The following SPIRE2 variants were observed in gnomAD, a reference collection of about 807,000 sequenced individuals.
SPIRE2 encodes the protein spire type actin nucleation factor 2.
In SPIRE2, 76 loss-of-function variants were observed where a neutral mutation model predicts 80.7. The ratio of observed to expected loss-of-function variants is 0.94; its 90% CI spans 0.78 to 1.14. SPIRE2 has a LOEUF of 1.14. Among genes scored for constraint, SPIRE2 ranks in the 50% most tolerant of loss-of-function variants. The pLI is 0.00. For synonymous variants in SPIRE2, 535 were observed against 432.6 expected (o/e 1.24, Z -2.94); for missense variants, 1,196 against 1,015.3 (o/e 1.18, Z -2.42).
rs2041547583 is a variant in SPIRE2 at position 89,845,305 on chromosome 16, T to C, written c.245-17T>C. On this transcript the variant is annotated splice_polypyrimidine_tract_variant and intron_variant, in intron 1 of 14. Transcript: ENST00000378247. ...CGGGGATGCTGACAAATAACTTAAC[T>C]CCCTCTTCTCTTACAGAACCTGCAA... 1 of 1,613,556 alleles carries C rather than the reference T, an allele frequency of 6.2e-7. No homozygotes were observed. The highest frequency in any genetic ancestry group is 1.3e-5 in the African/African-American group (1 of 74,860).
At chr16:89,859,050 GC>G in intron 8 of SPIRE2, 114 bp from the exon 9 acceptor site, 1 of 953,008 alleles carries the variant, frequency 1.0e-6, no homozygotes, top group Non-Finnish European at 1.5e-6. Flanking sequence ...GGTGGAGGCT[GC>G]CCCACATCGC....
rs1209502461 is a variant in SPIRE2, at chr16:89,863,169, T to C, written c.1576-307T>C. 9.4e-6 allele frequency: 4 copies of C among 423,288 alleles called. No homozygotes were observed. Among genetic ancestry groups the C allele is most frequent in the South Asian group, 7.3e-5 (3 of 41,000 alleles). The allele number at this position is 423,288 out of a possible 1,614,324, so 26.2% of individuals were successfully genotyped here. A position where few individuals can be genotyped will look rare whatever the true frequency, so the allele number is the denominator to read the frequency against. On this transcript the variant is annotated intron_variant, in intron 10 of 14. Transcript: ENST00000378247. This position sits in a 1 kb window ranked among gnomAD's most constrained non-coding sequence, Gnocchi z 4.3. ...ATTCTGGCTGGTGTGGATCAGCCCA[T>C]GGTGTGTTTGCAGGCAGGGACACCT... is the stretch of plus-strand genomic sequence containing the variant.
At chr16:89,853,588 C>T (rs887830117) in intron 3 of SPIRE2, among the ~76,000 whole-genome samples, 9 of 152,090 alleles carry the variant, frequency 5.9e-5, no homozygotes, top group Admixed American at 2.0e-4. Flanking sequence ...AGCAGTGTGG[C>T]GGGTACCTGG....
intron 12 of SPIRE2, among the ~76,000 whole-genome samples, chr16:89,866,056 G>C (rs1479163913): frequency 1.3e-5 from 2 of 151,936 alleles, no homozygotes; most frequent in African/African-American, 2.4e-5. Flanking sequence ...GGCTGAGGTG[G>C]GAGGATCACT....
chr16:89,829,970 G>C (rs1242680704), intron 1 of SPIRE2, among the ~76,000 whole-genome samples: 1 of 151,314 alleles, frequency 6.6e-6, no homozygotes, highest in South Asian at 2.1e-4. Context: ...GTGAAAGGGT[G>C]CCTGGACTTC....
intron 6 of SPIRE2, 25 bp from the exon 7 acceptor site, chr16:89,856,088 C>G (rs760052979): frequency 6.2e-7 from 1 of 1,601,352 alleles, no homozygotes. Flanking sequence ...GCTTCCCCAC[C>G]GCAGGTCTCG....
intron 1 of SPIRE2, among the ~76,000 whole-genome samples, chr16:89,843,720 G>T: frequency 2.5e-5 from 1 of 40,692 alleles, no homozygotes; most frequent in Non-Finnish European, 4.3e-5. Flanking sequence ...TTTTTTTTGA[G>T]ACAGAGTCTC....
chr16:89,831,070 C>T lies in SPIRE2; in HGVS notation c.244+2276C>T, dbSNP rs964682972. 3.6e-4 allele frequency among the ~76,000 whole-genome samples: 54 copies of T among 150,438 alleles called. 2 individuals carry two copies. The highest frequency in any genetic ancestry group is 3.4e-4 in the Non-Finnish European group (23 of 67,042). On this transcript the variant is annotated intron_variant, in intron 1 of 14. Coordinates refer to ENST00000378247, the MANE Select transcript of SPIRE2 (RefSeq NM_032451.2). Reference sequence around the variant, plus strand: ...GACTACAGGCGCCCGCCACCACGCCCGGCTAATTTTTTGTATTTTTAGTAG... The same window carrying T: ...GACTACAGGCGCCCGCCACCACGCCTGGCTAATTTTTTGTATTTTTAGTAG...
At chr16:89,868,009 A>G (rs1371861332) in intron 12 of SPIRE2, among the ~76,000 whole-genome samples, 180 bp from the exon 13 acceptor site, 2 of 152,250 alleles carry the variant, frequency 1.3e-5, no homozygotes, top group Non-Finnish European at 2.9e-5. Flanking sequence ...TTTTGGGTGG[A>G]TACCTAAGTA....
intron 1 of SPIRE2, among the ~76,000 whole-genome samples, chr16:89,842,208 A>ATTTTTTTTTTTTTTTTTTTTTTTTTTT (rs71137682): frequency 1.2e-5 from 1 of 81,306 alleles, no homozygotes; most frequent in Non-Finnish European, 2.1e-5. Context: ...TGAACACGTA[A>ATTTTTTTTTTTTTTTTTTTTTTTTTTT]TTTTTTTTTT....
At position 89,868,410 on chromosome 16, in the gene SPIRE2, G is replaced by A. The variant is rs537053007; in HGVS notation, c.1806+194G>A. On this transcript the variant is annotated intron_variant, in intron 13 of 14. Coordinates refer to ENST00000378247, the MANE Select transcript of SPIRE2 (RefSeq NM_032451.2). ...TTACAGGTTTTTGTTTTTAAACATT[G>A]CACGTTAGTAGCCTCGTGCCAAAAA... Among the ~76,000 whole-genome samples the A allele has an allele frequency of 3.3e-5, 5 of 152,282 alleles. No individual in the cohort carries two copies. In the East Asian group the frequency reaches 5.8e-4, roughly 18 times the overall value.
chr16:89,828,930 G>GCTCC lies in SPIRE2; in HGVS notation c.244+146_244+149dup. ...GATCCCCTTCTCTGCGGGACCCGGA[G>GCTCC]CTCCCTCCCTCCCACTCTCCGTCCC... On this transcript the variant is annotated intron_variant, in intron 1 of 14. Coordinates refer to ENST00000378247, the MANE Select transcript of SPIRE2 (RefSeq NM_032451.2). The surrounding 1 kb of genome is among the most constrained non-coding windows in gnomAD (Gnocchi z 5.9). 1.6e-6 allele frequency: 1 copy of GCTCC among 610,410 alleles called. No individual in the cohort carries two copies. The highest frequency in any genetic ancestry group is 2.2e-6 in the Non-Finnish European group (1 of 445,840). 37.8% of individuals were successfully genotyped at this position (610,410 alleles called of 1,614,324 possible).
At chr16:89,845,000 G>A (rs994899211) in intron 1 of SPIRE2, among the ~76,000 whole-genome samples, 20 of 152,304 alleles carry the variant, frequency 1.3e-4, no homozygotes, top group African/African-American at 3.1e-4. Context: ...GCCCTGACTC[G>A]CCTTTGAGTG....
chr16:89,869,301 C>T (rs530951641), intron 13 of SPIRE2, among the ~76,000 whole-genome samples: 4 of 151,674 alleles, frequency 2.6e-5, no homozygotes, highest in East Asian at 1.9e-4. Context: ...GAGCAGGAAA[C>T]GTGGCAGGTC....
rs770114745 is a variant in SPIRE2 at position 89,859,261 on chromosome 16, C to G, written c.1369C>G (p.Leu457Val). 1.4e-5 allele frequency: 22 copies of G among 1,607,764 alleles called. No homozygotes were observed. The highest frequency in any genetic ancestry group is 1.9e-5 in the Non-Finnish European group (22 of 1,178,664). Residue 457 changes from leucine (L) to valine (V), a missense_variant, in exon 9 of 15, where the codon CTG (leucine) becomes GTG (valine). Leu to Val is a conservative substitution (Grantham distance 32). Transcript: ENST00000378247. ...AQLRSEVASG[L>V]QSATHPPGGT... ...GCTCCGAAGTGAGGTGGCCTCTGGC[C>G]TGCAGTCGGCCACCCACCCCCCAGG...
In SPIRE2 at chr16:89,828,842, C is replaced by T. The variant is rs1005168590; in HGVS notation, c.244+48C>T. 5 of 1,165,364 alleles carry T rather than the reference C, an allele frequency of 4.3e-6. No individual in the cohort carries two copies. In the African/African-American group the frequency reaches 8.1e-5, roughly 19 times the overall value. 72.2% of individuals were successfully genotyped at this position (1,165,364 alleles called of 1,614,324 possible). A position where few individuals can be genotyped will look rare whatever the true frequency, so the allele number is the denominator to read the frequency against. On this transcript the variant is annotated intron_variant, in intron 1 of 14. Coordinates refer to ENST00000378247, the MANE Select transcript of SPIRE2 (RefSeq NM_032451.2). This position sits in a 1 kb window ranked among gnomAD's most constrained non-coding sequence, Gnocchi z 5.9. ...CGGCGGGGACCGCGGTCTGGGGCGT[C>T]CGTCCCGCCCCCTGGGTGGGGGTGG...
chr16:89,862,769 TC>T (rs1369985528), intron 10 of SPIRE2: 1 of 152,452 alleles, frequency 6.6e-6, no homozygotes, highest in Non-Finnish European at 1.5e-5. Context: ...GAAAACATGG[TC>T]CAACTCCATC....
chr16:89,851,424 C>T (rs1410010815), intron 3 of SPIRE2, among the ~76,000 whole-genome samples: 1 of 152,154 alleles, frequency 6.6e-6, no homozygotes, highest in Admixed American at 6.5e-5. Context: ...ACTTGCTGGG[C>T]CTGTGACAAC....
intron 6 of SPIRE2, 155 bp from the exon 7 acceptor site, chr16:89,855,958 A>G: frequency 1.5e-6 from 2 of 1,337,854 alleles, no homozygotes; most frequent in Non-Finnish European, 2.0e-6. Context: ...TGGGAGCAGC[A>G]CTCCCTCCGG....
Sources: allele counts gnomAD v4.1 joint callset (sites outside exome capture counted in the v4.1 genomes callset), GRCh38; gene constraint gnomAD v4.1.1; non-coding constraint Gnocchi (gnomAD v3.1); transcripts MANE v1.5; gene names NCBI Gene and HGNC (gene_info 2026-07-23, HGNC 2026-07-21).